Variants in AGBL1 observed in about 807,000 individuals in gnomAD.
AGBL1 encodes AGBL carboxypeptidase 1, also known as cytosolic carboxypeptidase 4.
In AGBL1, 130 loss-of-function variants were observed where a neutral mutation model predicts 118.9. The ratio of observed to expected loss-of-function variants is 1.09; its 90% CI spans 0.95 to 1.26. The LOEUF (loss-of-function observed/expected upper bound fraction) is 1.26, where lower values mean the gene tolerates loss of function less well. AGBL1 is among the 50% of genes most tolerant of loss of function. The pLI, the probability that AGBL1 is intolerant of heterozygous loss-of-function variation, is 0.00. For missense variants in AGBL1, 1,584 were observed against 1,298.1 expected, an observed-to-expected ratio of 1.22 and a Z score of -3.38; for synonymous variants, 555 against 478.9, an observed-to-expected ratio of 1.16 and a Z score of -2.08.
At position 86,875,924 on chromosome 15, in the gene AGBL1, G is replaced by A. The variant is rs1010799614; in HGVS notation, c.3159-31163G>A. On this transcript the variant is annotated intron_variant, in intron 22 of 22. Transcript: ENST00000614907. ...GCATTGATCAATCCTCAAGCATCAG[G>A]TAATCCATATGGACTAGCAGGTACT... Among the ~76,000 whole-genome samples, 4 of 152,152 alleles carry A rather than the reference G, an allele frequency of 2.6e-5. 1 individual carries two copies. The highest frequency in any genetic ancestry group is 9.7e-5 in the African/African-American group (4 of 41,436).
Position 86,522,889 on chromosome 15 carries a change from C to A in AGBL1, c.2635C>A (p.His879Asn). ...PSAHLQPTIY[H>N]AKGLLYHLSS... ...TGCTCATCTGCAGCCAACCATTTAC[C>A]ATGCCAAAGGCCTCCTCTACCACCT... Residue 879 changes from histidine (H) to asparagine (N), a missense_variant, in exon 19 of 23, where the codon CAT becomes AAT. His to Asn is a moderately conservative substitution (Grantham distance 68, BLOSUM62 1). Transcript: ENST00000614907. 2 of 1,613,954 alleles carry A rather than the reference C, an allele frequency of 1.2e-6. No individual in the cohort carries two copies. Among genetic ancestry groups the A allele is most frequent in the Non-Finnish European group, 1.7e-6 (2 of 1,179,838 alleles).
chr15:86,442,161 T>C (rs2142055867), intron 18 of AGBL1, among the ~76,000 whole-genome samples: 1 of 152,258 alleles, frequency 6.6e-6, no homozygotes, highest in East Asian at 1.9e-4. Flanking sequence ...ATGTGGTGTG[T>C]GGTATTCAGC....
At chr15:86,305,137 C>T (rs976006332) in intron 17 of AGBL1, 1 of 152,156 alleles carries the variant, frequency 6.6e-6, no homozygotes, top group Non-Finnish European at 1.5e-5. Flanking sequence ...AACACATGTC[C>T]TGAGGGCTGG....
intron 22 of AGBL1, among the ~76,000 whole-genome samples, chr15:86,848,331 A>AATTT (rs1249708551): frequency 1.3e-5 from 2 of 152,096 alleles, no homozygotes; most frequent in Non-Finnish European, 2.9e-5. Flanking sequence ...TGAAGGAGAG[A>AATTT]ATTTGCTGAG....
chr15:86,531,884 G>A lies in AGBL1; in HGVS notation c.2685+8945G>A, dbSNP rs997939788. 1.3e-4 allele frequency among the ~76,000 whole-genome samples: 19 copies of A among 148,480 alleles called. 1 individual carries two copies. The highest frequency in any genetic ancestry group is 4.8e-4 in the African/African-American group (19 of 39,960). ...CCACATGATTATCTCAATAGATGCA[G>A]AAAAAGCCTTTGACAAAATTCAACA... is the stretch of plus-strand genomic sequence containing the variant. On this transcript the variant is annotated intron_variant, in intron 19 of 22. Coordinates refer to ENST00000614907, the MANE Select transcript of AGBL1 (RefSeq NM_001386094.1).
chr15:86,332,773 G>A (rs2080294815), intron 17 of AGBL1, among the ~76,000 whole-genome samples: 1 of 152,040 alleles, frequency 6.6e-6, no homozygotes, highest in East Asian at 1.9e-4. Context: ...TGCACACAGA[G>A]TATACTCCAA....
chr15:86,650,683 T>C (rs542923902), intron 21 of AGBL1, among the ~76,000 whole-genome samples: 5 of 152,314 alleles, frequency 3.3e-5, no homozygotes, highest in Admixed American at 2.6e-4. Context: ...TAGGGCAAGA[T>C]GTCTGTAAAG....
At chr15:86,427,805 T>C (rs560527506) in intron 18 of AGBL1, among the ~76,000 whole-genome samples, 1 of 152,332 alleles carries the variant, frequency 6.6e-6, no homozygotes, top group African/African-American at 2.4e-5. Context: ...TTTAGGCCTA[T>C]TCTTCCCAGC....
chr15:86,703,014 G>C (rs1354016457), intron 22 of AGBL1, among the ~76,000 whole-genome samples: 1 of 152,144 alleles, frequency 6.6e-6, no homozygotes, highest in Non-Finnish European at 1.5e-5. Context: ...AGAAGACTGA[G>C]AATACATGGC....
intron 22 of AGBL1, among the ~76,000 whole-genome samples, chr15:86,775,031 C>T (rs1175661307): frequency 6.6e-6 from 1 of 152,142 alleles, no homozygotes; most frequent in South Asian, 2.1e-4. Context: ...ACACAGACAA[C>T]CCCTGCTCTA....
intron 24 of AGBL1, among the ~76,000 whole-genome samples, chr15:87,022,589 A>C (rs563671136): frequency 6.6e-6 from 1 of 152,228 alleles, no homozygotes; most frequent in Non-Finnish European, 1.5e-5. Flanking sequence ...ACATCCAAAT[A>C]CAAGAAGCTC....
chr15:86,387,159 C>A (rs780952934), intron 17 of AGBL1, among the ~76,000 whole-genome samples: 1 of 151,950 alleles, frequency 6.6e-6, no homozygotes, highest in East Asian at 1.9e-4. Flanking sequence ...ATGTAACAGG[C>A]GAAAGGGAGT....
At chr15:86,990,145 A>G (rs1237665781) in intron 24 of AGBL1, among the ~76,000 whole-genome samples, 1 of 152,238 alleles carries the variant, frequency 6.6e-6, no homozygotes, top group African/African-American at 2.4e-5. Context: ...ATAAGAAAGC[A>G]AAATCACAAG....
intron 22 of AGBL1, among the ~76,000 whole-genome samples, chr15:86,730,193 T>G (rs1179915207): frequency 1.3e-5 from 2 of 152,152 alleles, no homozygotes; most frequent in Non-Finnish European, 2.9e-5. Context: ...ACCTGGACAT[T>G]GGCCTTGGCA....
chr15:86,569,046 TC>T (rs1209959198), intron 21 of AGBL1, among the ~76,000 whole-genome samples: 4 of 152,184 alleles, frequency 2.6e-5, no homozygotes, highest in Non-Finnish European at 5.9e-5. Flanking sequence ...CTAATACCTT[TC>T]CCTTCTCAAA....
chr15:86,716,434 C>T (rs1246840802), intron 22 of AGBL1, among the ~76,000 whole-genome samples: 1 of 152,114 alleles, frequency 6.6e-6, no homozygotes, highest in East Asian at 1.9e-4. Context: ...ACTTCCATTT[C>T]ATGTGACTTT....
intron 24 of AGBL1, among the ~76,000 whole-genome samples, chr15:87,006,276 C>A (rs2081502169): frequency 6.6e-6 from 1 of 152,186 alleles, no homozygotes; most frequent in Non-Finnish European, 1.5e-5. Context: ...TTTAGCTATG[C>A]CCTGCCCCCA....
chr15:86,152,698 C>T (rs971468182), intron 3 of AGBL1, among the ~76,000 whole-genome samples: 8 of 152,128 alleles, frequency 5.3e-5, no homozygotes, highest in African/African-American at 1.9e-4. Context: ...TTCTGCACAG[C>T]AAGAGAAACT....
chr15:86,496,273 C>G (rs1444091898), intron 18 of AGBL1, among the ~76,000 whole-genome samples: 1 of 152,042 alleles, frequency 6.6e-6, no homozygotes, highest in African/African-American at 2.4e-5. Flanking sequence ...ACCTGCTTCC[C>G]TTTTGCCTTG....
Sources: allele counts gnomAD v4.1 joint callset (sites outside exome capture counted in the v4.1 genomes callset), GRCh38; gene constraint gnomAD v4.1.1; transcripts MANE v1.5; gene names NCBI Gene and HGNC (gene_info 2026-07-23, HGNC 2026-07-21).